DNM3: variants seen among roughly 807,000 people sequenced by gnomAD.
DNM3 encodes dynamin 3.
DNM3 carries 47 observed loss-of-function variants against 101.6 expected under a neutral mutation model. The observed-to-expected ratio is 0.46, with a 90% CI of 0.37 to 0.59. The LOEUF (loss-of-function observed/expected upper bound fraction) is 0.59. Among genes scored for constraint, DNM3 ranks in the 20% least tolerant of loss-of-function variants. The pLI is 0.00. For missense variants in DNM3, 849 were observed against 1,085.7 expected (o/e 0.78, Z 3.06); for synonymous variants, 385 against 387.9 (o/e 0.99, Z 0.09).
At chr1:172,061,090 T>C (rs1482968574) in intron 10 of DNM3, among the ~76,000 whole-genome samples, 1 of 143,782 alleles carries the variant, frequency 7.0e-6, no homozygotes, top group African/African-American at 2.6e-5. Flanking sequence ...AAAAAACACA[T>C]GAAAAAATGC....
At chr1:172,133,423 G>A in intron 14 of DNM3, 1 of 986,026 alleles carries the variant, frequency 1.0e-6, no homozygotes, top group Non-Finnish European at 1.2e-6. Context: ...CGCTCTGTGT[G>A]CTGTGTATAA....
chr1:171,873,764 C>T (rs897062233), intron 1 of DNM3, among the ~76,000 whole-genome samples: 1 of 152,174 alleles, frequency 6.6e-6, no homozygotes, highest in African/African-American at 2.4e-5. Flanking sequence ...TCGTTCTCCA[C>T]GAAGTAAGAA....
chr1:172,265,647 G>T (rs942232208), intron 15 of DNM3, among the ~76,000 whole-genome samples: 2 of 152,150 alleles, frequency 1.3e-5, no homozygotes, highest in African/African-American at 2.4e-5. Context: ...TGCTCCTCCA[G>T]GTTTTTGTTC....
chr1:172,193,827 A>AT (rs1411695186), intron 14 of DNM3, among the ~76,000 whole-genome samples: 1 of 152,004 alleles, frequency 6.6e-6, no homozygotes, highest in African/African-American at 2.4e-5. Context: ...GGATTCATTG[A>AT]TTTTTTGAAG....
chr1:171,858,058 A>G (rs996477262), intron 1 of DNM3, among the ~76,000 whole-genome samples: 2 of 152,188 alleles, frequency 1.3e-5, no homozygotes, highest in East Asian at 1.9e-4. Context: ...CAGAACTTTA[A>G]TAAATAAATC....
At chr1:171,900,588 T>C (rs1176077973) in intron 1 of DNM3, among the ~76,000 whole-genome samples, 1 of 152,088 alleles carries the variant, frequency 6.6e-6, no homozygotes, top group East Asian at 1.9e-4. Context: ...CAGGGTGAAG[T>C]AGGAAACTGA....
At chr1:171,897,480 A>G (rs1474425318) in intron 1 of DNM3, among the ~76,000 whole-genome samples, 1 of 152,208 alleles carries the variant, frequency 6.6e-6, no homozygotes, top group East Asian at 1.9e-4. Context: ...ACCTTTAATG[A>G]GTAGAACAGA....
At chr1:171,845,314 C>T (rs1325956498) in intron 1 of DNM3, among the ~76,000 whole-genome samples, 1 of 152,146 alleles carries the variant, frequency 6.6e-6, no homozygotes, top group Non-Finnish European at 1.5e-5. Flanking sequence ...TTGGGGAGGC[C>T]AAGGCGGGAG....
At chr1:172,221,959 T>A (rs1210879239) in intron 14 of DNM3, among the ~76,000 whole-genome samples, 2 of 152,116 alleles carry the variant, frequency 1.3e-5, no homozygotes, top group Non-Finnish European at 2.9e-5. Flanking sequence ...TAGTAAGCCC[T>A]CAGTAACAGA....
At chr1:172,159,958 C>A (rs1274685067) in intron 14 of DNM3, among the ~76,000 whole-genome samples, 1 of 151,402 alleles carries the variant, frequency 6.6e-6, no homozygotes, top group Non-Finnish European at 1.5e-5. Flanking sequence ...ACCCATACAG[C>A]ATGTTACTCT....
At chr1:172,332,608 C>T (rs1331648970) in intron 17 of DNM3, among the ~76,000 whole-genome samples, 1 of 152,190 alleles carries the variant, frequency 6.6e-6, no homozygotes, top group South Asian at 2.1e-4. Context: ...CATGCCCGGC[C>T]AGCTGGGGCT....
intron 14 of DNM3, among the ~76,000 whole-genome samples, chr1:172,167,884 G>A (rs1456219999): frequency 6.6e-6 from 1 of 151,998 alleles, no homozygotes; most frequent in Non-Finnish European, 1.5e-5. Context: ...ACTTCGAGTT[G>A]TTAAACTGTG....
chr1:172,091,721 G>A (rs929043650), intron 12 of DNM3, among the ~76,000 whole-genome samples: 1 of 152,192 alleles, frequency 6.6e-6, no homozygotes, highest in Non-Finnish European at 1.5e-5. Context: ...CCATTAAATG[G>A]AATGGTGTTG....
intron 15 of DNM3, among the ~76,000 whole-genome samples, chr1:172,293,179 G>C (rs2064000516): frequency 6.6e-6 from 1 of 152,198 alleles, no homozygotes; most frequent in African/African-American, 2.4e-5. Context: ...AGATGATTTT[G>C]AAACATTGTT....
At chr1:172,174,743 T>C (rs150791329) in intron 14 of DNM3, among the ~76,000 whole-genome samples, 1 of 151,842 alleles carries the variant, frequency 6.6e-6, no homozygotes, top group African/African-American at 2.4e-5. Flanking sequence ...TGCAAGTAGA[T>C]CATTTTGTGT....
At chr1:171,959,893 G>A (rs1206534529) in intron 2 of DNM3, among the ~76,000 whole-genome samples, 1 of 152,146 alleles carries the variant, frequency 6.6e-6, no homozygotes, top group Non-Finnish European at 1.5e-5. Flanking sequence ...GAAGTGGGGA[G>A]AGGGGTCTGG....
chr1:172,044,141 G>A (rs988696665), intron 8 of DNM3, among the ~76,000 whole-genome samples: 1 of 152,180 alleles, frequency 6.6e-6, no homozygotes, highest in Non-Finnish European at 1.5e-5. Flanking sequence ...GCATCCTTAT[G>A]CATAGCACTC....
At chr1:172,047,892 C>A (rs1255927446) in intron 9 of DNM3, among the ~76,000 whole-genome samples, 2 of 152,068 alleles carry the variant, frequency 1.3e-5, no homozygotes, top group Non-Finnish European at 2.9e-5. Flanking sequence ...CAGTCATGGC[C>A]AAGATTCAAA....
intron 14 of DNM3, among the ~76,000 whole-genome samples, chr1:172,246,166 G>GTC (rs893284034): frequency 6.6e-5 from 10 of 152,208 alleles, no homozygotes; most frequent in African/African-American, 2.4e-4. Context: ...TTCTCACCAG[G>GTC]TCCTTCCTCC....
Sources: gnomAD v4.1 joint callset for allele counts (sites outside exome capture counted in the v4.1 genomes callset) on GRCh38, gnomAD v4.1.1 for gene constraint, MANE v1.5 for transcripts, NCBI Gene and HGNC (gene_info 2026-07-23, HGNC 2026-07-21) for gene names.